Variants in RADIL observed in about 807,000 individuals in gnomAD.
RADIL encodes the protein ras-associating and dilute domain-containing protein.
Under a neutral mutation model 97.6 loss-of-function variants are expected in RADIL, and 99 were observed. The ratio of observed to expected loss-of-function variants is 1.01; its 90% CI spans 0.86 to 1.20. RADIL has a LOEUF of 1.20. RADIL is among the 50% of genes most tolerant of loss of function. RADIL has a pLI of 0.00. For synonymous variants in RADIL, 803 were observed against 691.8 expected (o/e 1.16, Z -2.52); for missense variants, 1,765 against 1,498.9 (o/e 1.18, Z -2.93).
intron 9 of RADIL, among the ~76,000 whole-genome samples, chr7:4,806,521 A>G (rs1583264194): frequency 6.6e-6 from 1 of 152,108 alleles, no homozygotes; most frequent in South Asian, 2.1e-4. Context: ...AAAAGCCTAC[A>G]CCGTAAGGAA....
At chr7:4,857,854 C>T (rs1470874013) in intron 2 of RADIL, 1 of 152,574 alleles carries the variant, frequency 6.6e-6, no homozygotes, top group East Asian at 1.9e-4. Flanking sequence ...ACTCCACTCA[C>T]TAGGTACATC....
chr7:4,853,068 G>A (rs1288603652), intron 2 of RADIL, among the ~76,000 whole-genome samples: 6 of 152,154 alleles, frequency 3.9e-5, no homozygotes, highest in African/African-American at 1.4e-4. Context: ...TACTATAAGA[G>A]GATGAGACTG....
In RADIL at chr7:4,877,643, T is replaced by C; in HGVS notation, c.497A>G (p.Glu166Gly). 6.2e-7 allele frequency: 1 copy of C among 1,611,174 alleles called. No individual in the cohort carries two copies. The highest frequency in any genetic ancestry group is 8.5e-7 in the Non-Finnish European group (1 of 1,178,658). ...RFELRKRSDV[E>G]ELAAKEVDTI... ...GTCCACCTCCTTGGCTGCCAGCTCCTCCACGTCCGACCTCTTCCTCAGCTC... is the reference window on the plus strand; with the variant it reads ...GTCCACCTCCTTGGCTGCCAGCTCCCCCACGTCCGACCTCTTCCTCAGCTC... The change falls in exon 2 of 15, where the codon GAG becomes GGG. Residue 166 changes from glutamate to glycine, a missense_variant. Glu to Gly is a moderately conservative substitution (Grantham distance 98). Transcript: ENST00000399583.
At chr7:4,803,903 C>A in intron 10 of RADIL, 149 bp from the exon 11 acceptor site, 1 of 763,974 alleles carries the variant, frequency 1.3e-6, no homozygotes, top group Non-Finnish European at 2.3e-6. Context: ...GGATCCTGGC[C>A]ACAGTGACTG....
At chr7:4,802,862 G>A (rs1233117432) in intron 11 of RADIL, among the ~76,000 whole-genome samples, 1 of 104,990 alleles carries the variant, frequency 9.5e-6, no homozygotes, top group South Asian at 3.7e-4. Context: ...CCCCCTCCCC[G>A]GGCACCTCGG....
chr7:4,881,279 G>C (rs1784479556), intron 1 of RADIL, among the ~76,000 whole-genome samples: 1 of 144,126 alleles, frequency 6.9e-6, no homozygotes, highest in African/African-American at 2.6e-5. Flanking sequence ...GCCAGGCGTG[G>C]TGGTGGGCAC....
At position 4,802,528 on chromosome 7, in the gene RADIL, T is replaced by C. The variant is rs117162248; in HGVS notation, c.2500-533A>G. On this transcript the variant is annotated intron_variant, in intron 11 of 14. Transcript: ENST00000399583. ...GGGCATGCTGGATGGACCCCCTCTC[T>C]GGGCACCTCAGGGAATGCTGGCTGG... Among the ~76,000 whole-genome samples, 845 of 88,778 alleles carry C rather than the reference T, an allele frequency of 9.5e-3. 17 individuals are homozygous for C. Among genetic ancestry groups the C allele is most frequent in the African/African-American group, 0.013 (232 of 18,316 alleles). The allele number at this position is 88,778 out of a possible 152,430, so 58.2% of individuals were successfully genotyped here. A position where few individuals can be genotyped will look rare whatever the true frequency, so the allele number is the denominator to read the frequency against.
chr7:4,828,830 C>T (rs144026410), intron 5 of RADIL, among the ~76,000 whole-genome samples: 170 of 152,340 alleles, frequency 1.1e-3, no homozygotes, highest in African/African-American at 3.9e-3. Flanking sequence ...ACAGCACGAG[C>T]GGGCAGCTGC....
chr7:4,871,780 C>G (rs1364243360), intron 2 of RADIL, among the ~76,000 whole-genome samples: 2 of 152,222 alleles, frequency 1.3e-5, no homozygotes, highest in Non-Finnish European at 2.9e-5. Flanking sequence ...ACCAACCCTT[C>G]CACAGGTATT....
At chr7:4,863,011 C>A (rs373873409) in intron 2 of RADIL, among the ~76,000 whole-genome samples, 1 of 152,200 alleles carries the variant, frequency 6.6e-6, no homozygotes, top group African/African-American at 2.4e-5. Context: ...CCAGAAGCTT[C>A]TTGGGCACTT....
At chr7:4,882,023 C>G (rs1784498591) in intron 1 of RADIL, 1 of 150,832 alleles carries the variant, frequency 6.6e-6, no homozygotes, top group African/African-American at 2.4e-5. Flanking sequence ...TATCATGAAA[C>G]AGGAGAAAAT....
At chr7:4,865,542 T>C in intron 2 of RADIL, 1 of 786,064 alleles carries the variant, frequency 1.3e-6, no homozygotes, top group Non-Finnish European at 2.3e-6. Context: ...AAATATTTTT[T>C]GTTGAGATAC....
chr7:4,832,317 G>A (rs1463888743), intron 4 of RADIL, 139 bp from the exon 5 acceptor site: 6 of 822,048 alleles, frequency 7.3e-6, no homozygotes, highest in Non-Finnish European at 1.2e-5. Flanking sequence ...ATTTATTCAA[G>A]CTGTGCTGGA....
chr7:4,866,018 G>C (rs1784122988), intron 2 of RADIL, among the ~76,000 whole-genome samples: 1 of 152,114 alleles, frequency 6.6e-6, no homozygotes, highest in Non-Finnish European at 1.5e-5. Context: ...AGTCACTCTA[G>C]GATGTTCCAA....
intron 8 of RADIL, 138 bp downstream of exon 8, chr7:4,816,090 T>G (rs1033041443): frequency 5.1e-6 from 4 of 776,916 alleles, no homozygotes; most frequent in Non-Finnish European, 4.3e-6. Context: ...CTCTCACCCC[T>G]CAGGGACACC....
Position 4,817,442 on chromosome 7 carries a change from G to GTTGGGTGGTGCCCGCGCCA in RADIL, c.1616-92_1616-91insTGGCGCGGGCACCACCCAA. 2 of 1,165,358 alleles carry GTTGGGTGGTGCCCGCGCCA rather than the reference G, an allele frequency of 1.7e-6. No individual in the cohort carries two copies. Among genetic ancestry groups the GTTGGGTGGTGCCCGCGCCA allele is most frequent in the Non-Finnish European group, 1.2e-6 (1 of 824,578 alleles). The allele number at this position is 1,165,358 out of a possible 1,614,324, so 72.2% of individuals were successfully genotyped here. A position where few individuals can be genotyped will look rare whatever the true frequency, so the allele number is the denominator to read the frequency against. Reference sequence around the variant, plus strand: ...CAGCCGCCAGCTCTTTCCCTGGCGCGGGCACCACCCAACGCGCCCATCTGG... The same window carrying GTTGGGTGGTGCCCGCGCCA: ...CAGCCGCCAGCTCTTTCCCTGGCGCGTTGGGTGGTGCCCGCGCCAGGCACCACCCAACGCGCCCATCTGG... On this transcript the variant is annotated intron_variant, in intron 6 of 14. Coordinates refer to ENST00000399583, the MANE Select transcript of RADIL (RefSeq NM_018059.5). The surrounding 1 kb of genome is among the most constrained non-coding windows in gnomAD (Gnocchi z 8.3).
intron 5 of RADIL, among the ~76,000 whole-genome samples, chr7:4,825,312 C>A (rs749836227): frequency 6.6e-6 from 1 of 152,162 alleles, no homozygotes; most frequent in African/African-American, 2.4e-5. Context: ...GAGGGAAGCA[C>A]TGGAGTCCCA....
At chr7:4,864,836 T>G (rs1404923655) in intron 2 of RADIL, among the ~76,000 whole-genome samples, 1 of 152,258 alleles carries the variant, frequency 6.6e-6, no homozygotes, top group African/African-American at 2.4e-5. Context: ...ATTAATCTCC[T>G]ATTACTGACC....
At chr7:4,881,583 T>C (rs1446906776) in intron 1 of RADIL, among the ~76,000 whole-genome samples, 3 of 151,010 alleles carry the variant, frequency 2.0e-5, no homozygotes, top group African/African-American at 7.3e-5. Context: ...AAAAATTAGC[T>C]GGGCATGGTG....
Sources: gnomAD v4.1 joint callset for allele counts (sites outside exome capture counted in the v4.1 genomes callset) on GRCh38, gnomAD v4.1.1 for gene constraint, Gnocchi (gnomAD v3.1) non-coding constraint, MANE v1.5 for transcripts, NCBI Gene and HGNC (gene_info 2026-07-23, HGNC 2026-07-21) for gene names.